Variants in UNKL observed in about 807,000 individuals in gnomAD.
UNKL encodes putative E3 ubiquitin-protein ligase UNKL.
A neutral mutation model predicts 78.0 loss-of-function variants in UNKL; 60 were observed. That is an observed-to-expected ratio of 0.77 (90% confidence interval 0.63 to 0.95). The LOEUF is 0.95. Among genes scored for constraint, UNKL ranks in the 40% least tolerant of loss-of-function variants. The pLI, the probability that UNKL is intolerant of heterozygous loss-of-function variation, is 0.00. For missense variants in UNKL, 1,159 were observed against 1,045.7 expected (o/e 1.11, Z -1.49); for synonymous variants, 608 against 474.8 (o/e 1.28, Z -3.65).
At chr16:1,404,580 G>T (rs1480486062) in intron 2 of UNKL, among the ~76,000 whole-genome samples, 1 of 152,264 alleles carries the variant, frequency 6.6e-6, no homozygotes, top group East Asian at 1.9e-4. Flanking sequence ...AAATTACAAC[G>T]CTACCTTGGT....
intron 10 of UNKL, among the ~76,000 whole-genome samples, chr16:1,380,601 TCTAA>T (rs559933790): frequency 1.9e-4 from 26 of 140,074 alleles, no homozygotes; most frequent in Non-Finnish European, 2.6e-4. Context: ...ATACATTGCC[TCTAA>T]CTAAGGCAGT....
chr16:1,390,859 GTC>G (rs2037017827), intron 8 of UNKL, among the ~76,000 whole-genome samples, 165 bp from the exon 9 acceptor site: 1 of 152,024 alleles, frequency 6.6e-6, no homozygotes, highest in African/African-American at 2.4e-5. Context: ...GTGAAAACCT[GTC>G]TCTACTAAAA....
At chr16:1,379,144 G>A (rs2036457882) in intron 10 of UNKL, 1 of 152,274 alleles carries the variant, frequency 6.6e-6, no homozygotes, top group African/African-American at 2.4e-5. Flanking sequence ...GTCCCCCGGG[G>A]TCAGGGACAC....
intron 5 of UNKL, among the ~76,000 whole-genome samples, chr16:1,397,834 G>A (rs1189811751): frequency 6.6e-6 from 1 of 152,140 alleles, no homozygotes; most frequent in Non-Finnish European, 1.5e-5. Context: ...ATGAGGAGGT[G>A]TCAGGGGGAC....
At position 1,414,172 on chromosome 16, in the gene UNKL, C is replaced by G. The variant is rs77206350; in HGVS notation, c.78-117G>C. On this transcript the variant is annotated intron_variant, in intron 1 of 14. Transcript: ENST00000389221. Reference sequence around the variant, plus strand: ...TCAACCCAGGGTCGACCCGTACTCACATTCCCGGCGGGCCCCAGGCGCTGC... The same window carrying G: ...TCAACCCAGGGTCGACCCGTACTCAGATTCCCGGCGGGCCCCAGGCGCTGC... 4,881 of 1,064,964 alleles carry G rather than the reference C, an allele frequency of 4.6e-3. 146 individuals carry two copies. In the African/African-American group the frequency reaches 0.069, roughly 15 times the overall value. 66.0% of individuals were successfully genotyped at this position (1,064,964 alleles called of 1,614,324 possible). A position where few individuals can be genotyped will look rare whatever the true frequency, so the allele number is the denominator to read the frequency against.
chr16:1,383,103 C>CAAAAAAAAA (rs1209322926), intron 10 of UNKL, among the ~76,000 whole-genome samples: 1 of 73,146 alleles, frequency 1.4e-5, no homozygotes. Flanking sequence ...ACTAAAAATA[C>CAAAAAAAAA]AAAAAAAAAA....
rs916839996 is a variant in UNKL, at chr16:1,399,621, G to C, written c.599-112C>G. The C allele has an allele frequency of 2.7e-6, 4 of 1,485,548 alleles. No homozygotes were observed. In the African/African-American group the frequency reaches 5.6e-5, roughly 21 times the overall value. The allele number at this position is 1,485,548 out of a possible 1,614,324, so 92.0% of individuals were successfully genotyped here. On this transcript the variant is annotated intron_variant, in intron 4 of 14. Transcript: ENST00000389221. The surrounding 1 kb of genome is among the most constrained non-coding windows in gnomAD (Gnocchi z 5.8). ...CCCCCAAATGGAAGGGGCTGCAGGAGGACTTGGGGAGCGCAGACACACGCC... is the reference window on the plus strand; with the variant it reads ...CCCCCAAATGGAAGGGGCTGCAGGACGACTTGGGGAGCGCAGACACACGCC...
intron 12 of UNKL, 31 bp from the exon 13 acceptor site, chr16:1,367,889 CCCTGCTGTG>C: frequency 6.6e-7 from 1 of 1,526,218 alleles, no homozygotes; most frequent in Non-Finnish European, 8.8e-7. Context: ...GACGGCCCAG[CCCTGCTGTG>C]CTCGCGGCCT....
chr16:1,411,153 C>G (rs1489379500), intron 2 of UNKL, among the ~76,000 whole-genome samples: 5 of 151,968 alleles, frequency 3.3e-5, no homozygotes, highest in African/African-American at 1.2e-4. Flanking sequence ...GAGTTTGAGA[C>G]TGAGACCAGC....
Position 1,367,372 on chromosome 16 carries a change from G to GC in UNKL, c.1789-24dup, listed in dbSNP as rs751348912. 13 of 1,524,526 alleles carry GC rather than the reference G, an allele frequency of 8.5e-6. No individual in the cohort carries two copies. In the African/African-American group the frequency reaches 9.6e-5, roughly 11 times the overall value. 94.4% of individuals were successfully genotyped at this position (1,524,526 alleles called of 1,614,324 possible). A position where few individuals can be genotyped will look rare whatever the true frequency, so the allele number is the denominator to read the frequency against. On this transcript the variant is annotated intron_variant, in intron 13 of 14. Coordinates refer to ENST00000389221, the MANE Select transcript of UNKL (RefSeq NM_001372107.1). Reference sequence around the variant, plus strand: ...GACCTGAAACCCAGGGCCCGTCTCAGCACCCCCCACCTCACCTGTGCCACC... The same window carrying GC: ...GACCTGAAACCCAGGGCCCGTCTCAGCCACCCCCCACCTCACCTGTGCCACC...
At chr16:1,412,969 T>C (rs1005379872) in intron 2 of UNKL, among the ~76,000 whole-genome samples, 14 of 152,006 alleles carry the variant, frequency 9.2e-5, no homozygotes, top group African/African-American at 3.4e-4. Flanking sequence ...GGGAAACAGC[T>C]AGGCACAGTG....
intron 12 of UNKL, among the ~76,000 whole-genome samples, chr16:1,368,921 T>G (rs1005959012): frequency 6.6e-6 from 1 of 152,038 alleles, no homozygotes; most frequent in African/African-American, 2.4e-5. Flanking sequence ...AATTTTGTAT[T>G]TTTTTGTAGA....
At position 1,414,019 on chromosome 16, in the gene UNKL, C is replaced by G. The variant is rs1352693277; in HGVS notation, c.114G>C (p.Leu38=). Residue 38 remains leucine (L), a synonymous_variant, in exon 2 of 15, where the codon CTG becomes CTC. Coordinates refer to ENST00000389221, the MANE Select transcript of UNKL (RefSeq NM_001372107.1). ...LKEFRTEQCP[L]FSQHKCAQHR... ...GCTGCGCGCACTTGTGCTGTGAAAA[C>G]AGGGGGCACTGCTCCGTCCTGAACT... 6.4e-6 allele frequency: 10 copies of G among 1,551,042 alleles called. No homozygotes were observed. The highest frequency in any genetic ancestry group is 8.7e-6 in the Non-Finnish European group (10 of 1,147,170).
intron 2 of UNKL, among the ~76,000 whole-genome samples, chr16:1,404,599 A>T (rs1243409411): frequency 6.6e-6 from 1 of 152,182 alleles, no homozygotes; most frequent in Non-Finnish European, 1.5e-5. Context: ...GTACCCAGCG[A>T]TCCTGCTCCT....
At position 1,387,165 on chromosome 16, in the gene UNKL, C is replaced by T. The variant is rs907934279; in HGVS notation, c.1087-1780G>A. Among the ~76,000 whole-genome samples, 1 of 152,016 alleles carries T rather than the reference C, an allele frequency of 6.6e-6. No individual in the cohort carries two copies. Among genetic ancestry groups the T allele is most frequent in the East Asian group, 1.9e-4 (1 of 5,188 alleles). On this transcript the variant is annotated intron_variant, in intron 9 of 14. Transcript: ENST00000389221. The surrounding 1 kb of genome is among the most constrained non-coding windows in gnomAD (Gnocchi z 4.1). ...AGCACCGGGGACCCTCCCAGCCATG[C>T]AGCACCGGGGACCCTCCCAGCCATG... is the stretch of plus-strand genomic sequence containing the variant.
At chr16:1,412,531 C>G (rs1435434684) in intron 2 of UNKL, among the ~76,000 whole-genome samples, 1 of 152,184 alleles carries the variant, frequency 6.6e-6, no homozygotes, top group East Asian at 1.9e-4. Context: ...TCACTTAAAC[C>G]TGCACAAGGC....
intron 5 of UNKL, chr16:1,398,582 C>T (rs1475526218): frequency 1.1e-5 from 15 of 1,405,312 alleles, no homozygotes; most frequent in South Asian, 1.5e-5. Context: ...TCAAAAGAGG[C>T]GAGGGTGGCT....
intron 12 of UNKL, among the ~76,000 whole-genome samples, chr16:1,368,517 G>A (rs1352050363): frequency 6.8e-6 from 1 of 147,188 alleles, no homozygotes; most frequent in South Asian, 2.2e-4. Flanking sequence ...CAGGAGAATG[G>A]CGTGAACCCG....
Position 1,414,649 on chromosome 16 carries a change from AC to A in UNKL, c.42del (p.Ser15ProfsTer14). ...VSKAAAAALS[G>X]SPPQTEKPTH... Reference sequence around the variant, plus strand: ...GTCGGCTTCTCAGTCTGCGGGGGGGACCCGCTCAGCGCCGCTGCCGCCGCTT... The same window carrying A: ...GTCGGCTTCTCAGTCTGCGGGGGGGACCGCTCAGCGCCGCTGCCGCCGCTT... On this transcript the variant is annotated frameshift_variant, in exon 1 of 15. Transcript: ENST00000389221. LOFTEE classifies it high-confidence loss of function. The A allele has an allele frequency of 8.8e-7, 1 of 1,134,322 alleles. No homozygotes were observed. The allele number at this position is 1,134,322 out of a possible 1,614,324, so 70.3% of individuals were successfully genotyped here.
Sources: allele counts gnomAD v4.1 joint callset (sites outside exome capture counted in the v4.1 genomes callset), GRCh38; gene constraint gnomAD v4.1.1; non-coding constraint Gnocchi (gnomAD v3.1); transcripts MANE v1.5; gene names NCBI Gene and HGNC (gene_info 2026-07-23, HGNC 2026-07-21).